The following CSMD1 variants were observed in gnomAD, a reference collection of about 807,000 sequenced individuals.
CSMD1 encodes CUB and sushi domain-containing protein 1.
In CSMD1, 213 loss-of-function variants were observed where a neutral mutation model predicts 417.5. The observed-to-expected ratio is 0.51, with a 90% CI of 0.46 to 0.57. CSMD1 has a LOEUF of 0.57. CSMD1 is among the 20% of genes least tolerant of loss of function. The probability of loss-of-function intolerance (pLI) is 0.00; values close to 1 mark genes in which losing one functional copy is unlikely to be tolerated. For missense variants in CSMD1, 6,923 were observed against 4,529.7 expected, an observed-to-expected ratio of 1.53 and a Z score of -15.17; for synonymous variants, 2,862 against 1,736.8, an observed-to-expected ratio of 1.65 and a Z score of -16.11.
In CSMD1 at chr8:3,802,711, A is replaced by G. The variant is rs193212845; in HGVS notation, c.819-48669T>C. 1.3e-4 allele frequency among the ~76,000 whole-genome samples: 20 copies of G among 152,324 alleles called. No individual in the cohort carries two copies. In the East Asian group the frequency reaches 3.7e-3, roughly 28 times the overall value. Reference sequence around the variant, plus strand: ...ACGCAATAAAATATAGTGCTTGACAATTTTAATTTATTTTAATTAAAAGAC... The same window carrying G: ...ACGCAATAAAATATAGTGCTTGACAGTTTTAATTTATTTTAATTAAAAGAC... On this transcript the variant is annotated intron_variant, in intron 5 of 69. Coordinates refer to ENST00000635120, the MANE Select transcript of CSMD1 (RefSeq NM_033225.6).
chr8:3,732,739 C>T (rs1372971123), intron 6 of CSMD1, among the ~76,000 whole-genome samples: 1 of 152,122 alleles, frequency 6.6e-6, no homozygotes, highest in Non-Finnish European at 1.5e-5. Context: ...TCAAGAGTAA[C>T]ACCTGATAAA....
chr8:3,965,435 G>A (rs1002500860), intron 5 of CSMD1, among the ~76,000 whole-genome samples: 1 of 152,082 alleles, frequency 6.6e-6, no homozygotes, highest in South Asian at 2.1e-4. Flanking sequence ...TCGGAAAAAG[G>A]GTAGAATGTT....
intron 3 of CSMD1, among the ~76,000 whole-genome samples, chr8:4,317,474 G>A (rs995572288): frequency 3.9e-5 from 6 of 152,124 alleles, no homozygotes; most frequent in Non-Finnish European, 8.8e-5. Flanking sequence ...GCCAGTGTAA[G>A]GCATGTACAT....
intron 4 of CSMD1, among the ~76,000 whole-genome samples, chr8:4,018,587 G>A (rs551311702): frequency 6.6e-6 from 1 of 152,186 alleles, no homozygotes. Context: ...CAGGCAACCA[G>A]CACCCCCTGC....
rs553159088 is a variant in CSMD1, at chr8:4,734,234, T to C, written c.86-96676A>G. Among the ~76,000 whole-genome samples, 22 of 152,324 alleles carry C rather than the reference T, an allele frequency of 1.4e-4. No homozygotes were observed. In the East Asian group the frequency reaches 4.0e-3, roughly 28 times the overall value. ...GCATGGTATAAGGATGTGTTTTGATTTTCTAGCTTTCAAGAAATCTATTAA... is the reference window on the plus strand; with the variant it reads ...GCATGGTATAAGGATGTGTTTTGATCTTCTAGCTTTCAAGAAATCTATTAA... On this transcript the variant is annotated intron_variant, in intron 1 of 69. Coordinates refer to ENST00000635120, the MANE Select transcript of CSMD1 (RefSeq NM_033225.6).
intron 1 of CSMD1, among the ~76,000 whole-genome samples, chr8:4,855,117 A>G (rs1801715835): frequency 6.6e-6 from 1 of 151,802 alleles, no homozygotes; most frequent in Non-Finnish European, 1.5e-5. Context: ...CTGACCCCCG[A>G]GCAGCCTAAC....
chr8:3,285,918 G>A (rs979887792), intron 25 of CSMD1, among the ~76,000 whole-genome samples: 1 of 151,942 alleles, frequency 6.6e-6, no homozygotes, highest in East Asian at 1.9e-4. Flanking sequence ...GTGCCATGTT[G>A]GTCTGCTGCA....
At chr8:4,321,463 CTT>C (rs1413235823) in intron 3 of CSMD1, among the ~76,000 whole-genome samples, 1 of 152,102 alleles carries the variant, frequency 6.6e-6, no homozygotes, top group African/African-American at 2.4e-5. Flanking sequence ...TTATCACTCT[CTT>C]AATTCCTCAG....
chr8:3,812,120 G>A (rs1455073082), intron 5 of CSMD1, among the ~76,000 whole-genome samples: 2 of 152,088 alleles, frequency 1.3e-5, no homozygotes, highest in African/African-American at 4.8e-5. Flanking sequence ...CCTTAAACGG[G>A]TGTCCATATT....
intron 6 of CSMD1, among the ~76,000 whole-genome samples, chr8:3,750,454 A>G (rs933366414): frequency 1.4e-4 from 22 of 152,088 alleles, no homozygotes; most frequent in East Asian, 7.7e-4. Context: ...AGTTTTCACT[A>G]TAATTATTAT....
intron 1 of CSMD1, among the ~76,000 whole-genome samples, chr8:4,840,080 T>C (rs951834066): frequency 1.1e-4 from 12 of 108,534 alleles, no homozygotes; most frequent in African/African-American, 3.7e-4. Context: ...TCCATAGGCT[T>C]GGGAAGAGCC....
chr8:3,832,541 G>C (rs1401979912), intron 5 of CSMD1, among the ~76,000 whole-genome samples: 1 of 151,878 alleles, frequency 6.6e-6, no homozygotes, highest in Non-Finnish European at 1.5e-5. Flanking sequence ...TTGTCTTATT[G>C]TATATGTCTG....
intron 3 of CSMD1, among the ~76,000 whole-genome samples, chr8:4,393,524 C>T (rs1050290177): frequency 6.6e-6 from 1 of 152,116 alleles, no homozygotes; most frequent in East Asian, 1.9e-4. Flanking sequence ...ACATCCTAGG[C>T]CCAGTTTCAC....
At chr8:3,756,447 A>C (rs1797663288) in intron 5 of CSMD1, among the ~76,000 whole-genome samples, 1 of 152,192 alleles carries the variant, frequency 6.6e-6, no homozygotes, top group African/African-American at 2.4e-5. Context: ...GTTAAATTCA[A>C]ACATAGAAAA....
chr8:3,868,372 A>T (rs1563160707), intron 5 of CSMD1, among the ~76,000 whole-genome samples: 1 of 152,084 alleles, frequency 6.6e-6, no homozygotes, highest in Admixed American at 6.5e-5. Flanking sequence ...CAGTAGTGCC[A>T]TCTGCAGGCC....
At chr8:4,661,741 G>C (rs996281433) in intron 1 of CSMD1, among the ~76,000 whole-genome samples, 2 of 152,062 alleles carry the variant, frequency 1.3e-5, no homozygotes, top group Non-Finnish European at 2.9e-5. Flanking sequence ...ACAAAATATA[G>C]ACTAAGATCA....
rs184098795 is a variant in CSMD1, at chr8:4,102,833, T to C, written c.416-70734A>G. Among the ~76,000 whole-genome samples the C allele has an allele frequency of 2.6e-5, 4 of 152,286 alleles. No individual in the cohort carries two copies. In the East Asian group the frequency reaches 7.7e-4, roughly 29 times the overall value. On this transcript the variant is annotated intron_variant, in intron 3 of 69. Coordinates refer to ENST00000635120, the MANE Select transcript of CSMD1 (RefSeq NM_033225.6). ...TGTGCAGCCCGCATTCATATCCTGC[T>C]TGATATCAGGAAGGAATCTATCCTG...
intron 1 of CSMD1, among the ~76,000 whole-genome samples, chr8:4,800,375 G>C (rs1235913229): frequency 6.7e-6 from 1 of 149,974 alleles, no homozygotes; most frequent in African/African-American, 2.5e-5. Flanking sequence ...AGGTTGCAGT[G>C]AGCTGAGATC....
intron 7 of CSMD1, among the ~76,000 whole-genome samples, chr8:3,685,227 A>G (rs1799887613): frequency 6.6e-6 from 1 of 152,212 alleles, no homozygotes; most frequent in South Asian, 2.1e-4. Context: ...GTTTTACACC[A>G]AAAATAGTGA....
Sources: allele counts gnomAD v4.1 joint callset (sites outside exome capture counted in the v4.1 genomes callset), GRCh38; gene constraint gnomAD v4.1.1; transcripts MANE v1.5; gene names NCBI Gene and HGNC (gene_info 2026-07-23, HGNC 2026-07-21).